AGBL1: variants seen among roughly 807,000 people sequenced by gnomAD.
The protein encoded by AGBL1 is cytosolic carboxypeptidase 4.
AGBL1 carries 130 observed loss-of-function variants against 118.9 expected under a neutral mutation model. The observed-to-expected ratio is 1.09, with a 90% CI of 0.95 to 1.26. The LOEUF is 1.26. Ranked by LOEUF, AGBL1 falls within the 50% of genes most tolerant of loss-of-function variation. The pLI, the probability that AGBL1 is intolerant of heterozygous loss-of-function variation, is 0.00. For synonymous variants in AGBL1, 555 were observed against 478.9 expected (o/e 1.16, Z -2.08); for missense variants, 1,584 against 1,298.1 (o/e 1.22, Z -3.38).
intron 18 of AGBL1, among the ~76,000 whole-genome samples, chr15:86,429,518 AT>A: frequency 6.6e-6 from 1 of 152,330 alleles, no homozygotes; most frequent in East Asian, 1.9e-4. Context: ...CAGACTCACA[AT>A]GTAAATCTGA....
intron 22 of AGBL1, among the ~76,000 whole-genome samples, chr15:86,701,100 C>T (rs1481336134): frequency 6.6e-6 from 1 of 152,174 alleles, no homozygotes. Context: ...AGCCTCGGAT[C>T]ATTTGCATTC....
chr15:86,389,408 G>A (rs1471621913), intron 17 of AGBL1, among the ~76,000 whole-genome samples: 1 of 152,110 alleles, frequency 6.6e-6, no homozygotes, highest in Non-Finnish European at 1.5e-5. Context: ...AGGGTGATAC[G>A]ATTTTATGCC....
At chr15:86,794,499 G>A (rs2078542077) in intron 22 of AGBL1, among the ~76,000 whole-genome samples, 2 of 152,164 alleles carry the variant, frequency 1.3e-5, no homozygotes, top group Non-Finnish European at 1.5e-5. Flanking sequence ...TCTCCTTAGA[G>A]TAATGATGTT....
intron 23 of AGBL1, among the ~76,000 whole-genome samples, chr15:86,985,494 T>C (rs960481049): frequency 1.8e-4 from 27 of 152,388 alleles, no homozygotes; most frequent in Middle Eastern, 3.4e-3. Context: ...CTAACGCTGC[T>C]AAGCAGCTTT....
chr15:86,451,865 T>C (rs1032725667), intron 18 of AGBL1, among the ~76,000 whole-genome samples: 8 of 152,156 alleles, frequency 5.3e-5, no homozygotes, highest in African/African-American at 1.9e-4. Flanking sequence ...TACCATATTT[T>C]AAAACCTTCC....
At chr15:86,822,539 G>T (rs2078955718) in intron 22 of AGBL1, among the ~76,000 whole-genome samples, 1 of 152,116 alleles carries the variant, frequency 6.6e-6, no homozygotes, top group African/African-American at 2.4e-5. Flanking sequence ...CAGTGGTTGT[G>T]GTGATGAAAG....
chr15:86,483,236 C>G (rs1567018162), intron 18 of AGBL1, among the ~76,000 whole-genome samples: 1 of 152,074 alleles, frequency 6.6e-6, no homozygotes, highest in Non-Finnish European at 1.5e-5. Flanking sequence ...TGAAAACCCT[C>G]ACTGTACATC....
intron 24 of AGBL1, among the ~76,000 whole-genome samples, chr15:87,027,379 CAA>C (rs1270204212): frequency 1.3e-5 from 2 of 151,814 alleles, no homozygotes; most frequent in Non-Finnish European, 2.9e-5. Context: ...GGTGATTCCT[CAA>C]AGACAGGAGG....
At chr15:86,724,187 G>A (rs1214145626) in intron 22 of AGBL1, among the ~76,000 whole-genome samples, 3 of 136,276 alleles carry the variant, frequency 2.2e-5, no homozygotes, top group African/African-American at 8.4e-5. Context: ...AGTGAGCTGC[G>A]ATAGCGCCAC....
chr15:86,777,291 T>G (rs565567853), intron 22 of AGBL1, among the ~76,000 whole-genome samples: 3 of 152,212 alleles, frequency 2.0e-5, no homozygotes, highest in Admixed American at 2.0e-4. Context: ...TCGTTAATAT[T>G]TATAATTACT....
rs377522836 is a variant in AGBL1, at chr15:86,153,284, G to A, written c.263-1146G>A. On this transcript the variant is annotated intron_variant, in intron 3 of 22. Coordinates refer to ENST00000614907, the MANE Select transcript of AGBL1 (RefSeq NM_001386094.1). ...CCCAAATGTCCAACAATGATAGACT[G>A]GATTAAGAAAATGTGGCACATATAC... 4.3e-4 allele frequency among the ~76,000 whole-genome samples: 66 copies of A among 152,266 alleles called. 1 individual carries two copies. The East Asian group carries it at 0.011, about 26-fold the overall frequency.
At chr15:86,536,451 C>T (rs2083427004) in intron 19 of AGBL1, among the ~76,000 whole-genome samples, 2 of 152,168 alleles carry the variant, frequency 1.3e-5, no homozygotes, top group South Asian at 4.1e-4. Flanking sequence ...GCTGGGACTG[C>T]AGGCACGTGC....
Position 86,705,995 on chromosome 15 carries a change from GTT to G in AGBL1, c.3158+31564_3158+31565del, listed in dbSNP as rs1240546653. Among the ~76,000 whole-genome samples the G allele has an allele frequency of 4.0e-5, 6 of 151,874 alleles. No homozygotes were observed. The East Asian group carries it at 1.2e-3, about 29-fold the overall frequency. On this transcript the variant is annotated intron_variant, in intron 22 of 22. Coordinates refer to ENST00000614907, the MANE Select transcript of AGBL1 (RefSeq NM_001386094.1). ...AAAAAAAAAACTTTAAAAATAAATA[GTT>G]TTTTAAGTACCAAATGCAATAATTC... is the stretch of plus-strand genomic sequence containing the variant.
At chr15:86,484,532 G>T (rs1339109666) in intron 18 of AGBL1, among the ~76,000 whole-genome samples, 1 of 152,090 alleles carries the variant, frequency 6.6e-6, no homozygotes, top group African/African-American at 2.4e-5. Context: ...ACCCTCTTGA[G>T]CCCAAAGGTA....
chr15:86,310,070 T>C (rs1370933252), intron 17 of AGBL1, among the ~76,000 whole-genome samples: 2 of 152,172 alleles, frequency 1.3e-5, no homozygotes, highest in African/African-American at 4.8e-5. Flanking sequence ...CTTTTCTTTG[T>C]TGGGAGTTTT....
chr15:86,621,400 C>G (rs553536310), intron 21 of AGBL1, among the ~76,000 whole-genome samples: 1 of 152,302 alleles, frequency 6.6e-6, no homozygotes, highest in East Asian at 1.9e-4. Context: ...TTTATTGTCT[C>G]GCAGATCTGG....
At chr15:86,329,588 C>T (rs148534304) in intron 17 of AGBL1, among the ~76,000 whole-genome samples, 1 of 147,098 alleles carries the variant, frequency 6.8e-6, no homozygotes, top group East Asian at 2.1e-4. Flanking sequence ...GTGCCTGCTC[C>T]CTGGTCAAGC....
intron 18 of AGBL1, among the ~76,000 whole-genome samples, chr15:86,488,898 T>C (rs191637313): frequency 1.6e-4 from 24 of 151,868 alleles, no homozygotes; most frequent in African/African-American, 5.6e-4. Context: ...CAAGCATTGC[T>C]CTTGATAGGA....
chr15:86,211,552 G>A (rs2078098755), intron 5 of AGBL1, among the ~76,000 whole-genome samples: 2 of 152,206 alleles, frequency 1.3e-5, no homozygotes, highest in Admixed American at 1.3e-4. Flanking sequence ...AATGGCGAAT[G>A]CCCCTCCTCC....
Sources: gnomAD v4.1 joint callset for allele counts (sites outside exome capture counted in the v4.1 genomes callset) on GRCh38, gnomAD v4.1.1 for gene constraint, MANE v1.5 for transcripts, NCBI Gene and HGNC (gene_info 2026-07-23, HGNC 2026-07-21) for gene names.